Variants in STX8 observed in about 807,000 individuals in gnomAD.
The protein encoded by STX8 is syntaxin-8.
A neutral mutation model predicts 37.5 loss-of-function variants in STX8; 23 were observed. The observed-to-expected ratio is 0.61, with a 90% CI of 0.44 to 0.87. STX8 has a LOEUF of 0.87. STX8 is among the 40% of genes least tolerant of loss of function. The pLI is 0.00. For missense variants in STX8, 313 were observed against 284.7 expected, an observed-to-expected ratio of 1.10 and a Z score of -0.71; for synonymous variants, 115 against 99.1, an observed-to-expected ratio of 1.16 and a Z score of -0.95.
At chr17:9,548,788 G>A (rs989287969) in intron 3 of STX8, among the ~76,000 whole-genome samples, 10 of 152,054 alleles carry the variant, frequency 6.6e-5, no homozygotes, top group African/African-American at 2.2e-4. Flanking sequence ...GCAGCAGCAA[G>A]GAGCTAAACA....
chr17:9,561,737 T>C (rs925738794), intron 2 of STX8, among the ~76,000 whole-genome samples: 23 of 148,136 alleles, frequency 1.6e-4, no homozygotes, highest in African/African-American at 4.5e-4. Context: ...TACTGTAACA[T>C]AGTATTTTTA....
intron 7 of STX8, among the ~76,000 whole-genome samples, chr17:9,376,332 AG>A: frequency 6.6e-6 from 1 of 152,286 alleles, no homozygotes; most frequent in African/African-American, 2.4e-5. Context: ...CACACCAACC[AG>A]CACGCTGTAA....
intron 6 of STX8, among the ~76,000 whole-genome samples, chr17:9,402,421 T>C (rs2142321127): frequency 6.6e-6 from 1 of 152,258 alleles, no homozygotes; most frequent in South Asian, 2.1e-4. Flanking sequence ...GCACCCAGCC[T>C]TTTTAATATA....
intron 6 of STX8, among the ~76,000 whole-genome samples, chr17:9,396,908 G>A (rs1347944301): frequency 1.3e-5 from 2 of 152,186 alleles, no homozygotes; most frequent in Admixed American, 1.3e-4. Flanking sequence ...CATTACAAAT[G>A]TATGCAACAA....
At chr17:9,517,257 A>C (rs1444089960) in intron 4 of STX8, among the ~76,000 whole-genome samples, 1 of 152,172 alleles carries the variant, frequency 6.6e-6, no homozygotes, top group Non-Finnish European at 1.5e-5. Context: ...CTAGACTATA[A>C]GCTCCACAAG....
intron 6 of STX8, among the ~76,000 whole-genome samples, chr17:9,398,208 ACAC>A (rs1319426149): frequency 6.6e-6 from 1 of 152,176 alleles, no homozygotes; most frequent in East Asian, 1.9e-4. Flanking sequence ...AGCCTAACGA[ACAC>A]CACCTTAGCC....
chr17:9,472,501 G>A (rs1375575113), intron 6 of STX8, among the ~76,000 whole-genome samples: 2 of 152,208 alleles, frequency 1.3e-5, no homozygotes, highest in Admixed American at 6.5e-5. Flanking sequence ...AGGCACTGAG[G>A]AGGAGAAACA....
intron 4 of STX8, among the ~76,000 whole-genome samples, chr17:9,532,386 T>C (rs969982247): frequency 6.6e-6 from 1 of 152,210 alleles, no homozygotes; most frequent in African/African-American, 2.4e-5. Context: ...CATATTATAT[T>C]ATAATTCCTG....
intron 7 of STX8, among the ~76,000 whole-genome samples, chr17:9,321,244 A>C (rs1909566948): frequency 6.6e-6 from 1 of 152,090 alleles, no homozygotes; most frequent in Non-Finnish European, 1.5e-5. Flanking sequence ...AAAAATCAAA[A>C]ATAGGCCAGG....
intron 5 of STX8, among the ~76,000 whole-genome samples, chr17:9,502,979 G>A (rs983136734): frequency 3.3e-5 from 5 of 151,708 alleles, no homozygotes; most frequent in East Asian, 3.9e-4. Context: ...GATGGCGGGC[G>A]CCCGTAATCC....
intron 7 of STX8, among the ~76,000 whole-genome samples, chr17:9,283,467 G>T (rs1015528152): frequency 6.6e-6 from 1 of 152,194 alleles, no homozygotes; most frequent in African/African-American, 2.4e-5. Context: ...CTGAACCTGG[G>T]AGGCAGAGGT....
At chr17:9,488,817 A>AGTGT (rs773052268) in intron 6 of STX8, among the ~76,000 whole-genome samples, 29 of 88,142 alleles carry the variant, frequency 3.3e-4, no homozygotes, top group African/African-American at 7.3e-4. Flanking sequence ...AGAGAGAGAG[A>AGTGT]GAGAGTGTGT....
At chr17:9,331,911 G>A (rs1909974277) in intron 7 of STX8, among the ~76,000 whole-genome samples, 1 of 152,212 alleles carries the variant, frequency 6.6e-6, no homozygotes, top group Non-Finnish European at 1.5e-5. Context: ...GGAAAAAAGT[G>A]CAGAGGAATT....
rs200598346 is a variant in STX8, at chr17:9,307,464, G to A, written c.644-56819C>T. 2.6e-5 allele frequency among the ~76,000 whole-genome samples: 4 copies of A among 152,134 alleles called. No homozygotes were observed. In the East Asian group the frequency reaches 7.7e-4, roughly 29 times the overall value. On this transcript the variant is annotated intron_variant, in intron 7 of 7. Coordinates refer to ENST00000306357, the MANE Select transcript of STX8 (RefSeq NM_004853.3). The stretch of plus-strand genomic sequence containing the variant: ...GGTCAGAGGTCAAAAGGCTAAAGCT[G>A]GGGGATTGGAGTTGCTTCTCCTGTT...
At chr17:9,517,811 A>AAAAAG (rs71135990) in intron 4 of STX8, among the ~76,000 whole-genome samples, 36 of 128,586 alleles carry the variant, frequency 2.8e-4, no homozygotes, top group African/African-American at 1.0e-3. Flanking sequence ...AAAAAAAAAA[A>AAAAAG]GGCAAAGAGA....
chr17:9,417,406 G>C (rs1913240588), intron 6 of STX8, among the ~76,000 whole-genome samples: 1 of 152,082 alleles, frequency 6.6e-6, no homozygotes. Flanking sequence ...TAAAATTACA[G>C]ATGCCCGTTT....
chr17:9,312,642 T>A (rs1339938519), intron 7 of STX8, among the ~76,000 whole-genome samples: 1 of 152,156 alleles, frequency 6.6e-6, no homozygotes, highest in East Asian at 1.9e-4. Context: ...TGGACTGATT[T>A]GTTAGGAGAG....
chr17:9,560,647 T>A (rs1907195035), intron 2 of STX8, among the ~76,000 whole-genome samples: 1 of 152,046 alleles, frequency 6.6e-6, no homozygotes, highest in African/African-American at 2.4e-5. Context: ...AAATGTAAGT[T>A]TTCCCCAATT....
chr17:9,520,892 T>C (rs1242079516), intron 4 of STX8, among the ~76,000 whole-genome samples: 1 of 152,122 alleles, frequency 6.6e-6, no homozygotes, highest in Non-Finnish European at 1.5e-5. Flanking sequence ...CTGGAAAAAA[T>C]ATCAGTGTTT....
Sources: allele counts gnomAD v4.1 joint callset (sites outside exome capture counted in the v4.1 genomes callset), GRCh38; gene constraint gnomAD v4.1.1; transcripts MANE v1.5; gene names NCBI Gene and HGNC (gene_info 2026-07-23, HGNC 2026-07-21).